Variants in MAN2A1 observed in about 807,000 individuals in gnomAD.
MAN2A1 encodes mannosidase alpha class 2A member 1, also known as alpha-mannosidase 2.
Under a neutral mutation model 142.6 loss-of-function variants are expected in MAN2A1, and 76 were observed. The ratio of observed to expected loss-of-function variants is 0.53; its 90% CI spans 0.44 to 0.65. MAN2A1 has a LOEUF of 0.65. MAN2A1 is among the 30% of genes least tolerant of loss of function. MAN2A1 has a pLI of 0.00. For missense variants in MAN2A1, 1,311 were observed against 1,365.1 expected, an observed-to-expected ratio of 0.96 and a Z score of 0.62; for synonymous variants, 559 against 473.2, an observed-to-expected ratio of 1.18 and a Z score of -2.35.
chr5:109,718,442 T>C (rs749122854), intron 3 of MAN2A1, among the ~76,000 whole-genome samples: 29 of 152,308 alleles, frequency 1.9e-4, no homozygotes, highest in Non-Finnish European at 4.0e-4. Context: ...GTTAGTGCCA[T>C]GATTCACGAT....
chr5:109,706,068 A>G (rs760764161), intron 1 of MAN2A1, among the ~76,000 whole-genome samples: 3 of 152,232 alleles, frequency 2.0e-5, no homozygotes, highest in Non-Finnish European at 4.4e-5. Context: ...ATCTTTGACT[A>G]AACATTATTC....
chr5:109,737,816 A>C (rs1752148677), intron 4 of MAN2A1, among the ~76,000 whole-genome samples: 2 of 152,188 alleles, frequency 1.3e-5, no homozygotes, highest in African/African-American at 2.4e-5. Flanking sequence ...GTTTACCTTG[A>C]AAAAGGCCTA....
intron 3 of MAN2A1, among the ~76,000 whole-genome samples, chr5:109,725,456 C>G (rs184032650): frequency 6.6e-4 from 101 of 152,242 alleles, no homozygotes; most frequent in African/African-American, 2.4e-3. Flanking sequence ...AGGGTCGGTC[C>G]CATTTGTTAG....
At chr5:109,773,720 G>A (rs1753211187) in intron 7 of MAN2A1, among the ~76,000 whole-genome samples, 1 of 152,078 alleles carries the variant, frequency 6.6e-6, no homozygotes, top group African/African-American at 2.4e-5. Context: ...AATGTAAAAA[G>A]GACCATATGA....
At chr5:109,814,518 T>A (rs1754401174) in intron 12 of MAN2A1, among the ~76,000 whole-genome samples, 3 of 152,240 alleles carry the variant, frequency 2.0e-5, no homozygotes, top group Admixed American at 2.0e-4. Context: ...AAAAACATGC[T>A]GTGAATCTCT....
chr5:109,709,979 C>A (rs1751250084), intron 1 of MAN2A1, among the ~76,000 whole-genome samples: 1 of 152,168 alleles, frequency 6.6e-6, no homozygotes, highest in African/African-American at 2.4e-5. Flanking sequence ...CTTTTAAGGT[C>A]ATTCCACTCT....
chr5:109,833,043 G>A (rs1353269374), intron 16 of MAN2A1, among the ~76,000 whole-genome samples: 1 of 150,180 alleles, frequency 6.7e-6, no homozygotes, highest in African/African-American at 2.5e-5. Flanking sequence ...GGGCGGCAGG[G>A]CAGAGGCGCT....
chr5:109,741,724 C>T (rs980458614), intron 4 of MAN2A1, among the ~76,000 whole-genome samples: 1 of 152,150 alleles, frequency 6.6e-6, no homozygotes, highest in Admixed American at 6.5e-5. Context: ...TATCCCCTCC[C>T]CCAGCAGCAT....
rs35796131 is a variant in MAN2A1, at chr5:109,735,878, G to GTTTT, written c.707+6383_707+6386dup. ...TTGACTTTTTATAATTTCCATTGGAGTTTTTTTTTTTTTTTTTTTTTCCCT... is the reference window on the plus strand; with the variant it reads ...TTGACTTTTTATAATTTCCATTGGAGTTTTTTTTTTTTTTTTTTTTTTTTTCCCT... On this transcript the variant is annotated intron_variant, in intron 4 of 21. Coordinates refer to ENST00000261483, the MANE Select transcript of MAN2A1 (RefSeq NM_002372.4). Among the ~76,000 whole-genome samples, 561 of 98,258 alleles carry GTTTT rather than the reference G, an allele frequency of 5.7e-3. 21 individuals are homozygous for GTTTT. Among genetic ancestry groups the GTTTT allele is most frequent in the East Asian group, 0.02 (54 of 2,656 alleles). 64.5% of individuals were successfully genotyped at this position (98,258 alleles called of 152,430 possible).
At position 109,868,941 on chromosome 5, in the gene MAN2A1, A is replaced by G. The variant is rs1029339251; in HGVS notation, c.*1943A>G. 2 of 152,190 alleles carry G rather than the reference A, an allele frequency of 1.3e-5. No individual in the cohort carries two copies. The highest frequency in any genetic ancestry group is 2.9e-5 in the Non-Finnish European group (2 of 68,050). The allele number at this position is 152,190 out of a possible 1,614,324, so 9.4% of individuals were successfully genotyped here. A position where few individuals can be genotyped will look rare whatever the true frequency, so the allele number is the denominator to read the frequency against. On this transcript the variant is annotated 3_prime_UTR_variant, in exon 22 of 22. Transcript: ENST00000261483. Reference sequence around the variant, plus strand: ...TCGAAATTGTGATCAGATGAAATAAAAAAAAAATCTTGATGCAATAACAGT... The same window carrying G: ...TCGAAATTGTGATCAGATGAAATAAGAAAAAAATCTTGATGCAATAACAGT...
chr5:109,780,056 G>A (rs1437930188), intron 8 of MAN2A1, among the ~76,000 whole-genome samples: 1 of 151,242 alleles, frequency 6.6e-6, no homozygotes. Context: ...ATGGTTGTAA[G>A]TTTTTTTTTG....
Position 109,864,824 on chromosome 5 carries a change from A to G in MAN2A1, c.3172-212A>G. ...ATGAGGTTACCTAACAAGGAACCTT[A>G]GAACATAATCTTACCTGGCTCAGTA... On this transcript the variant is annotated intron_variant, in intron 20 of 21. Transcript: ENST00000261483. The G allele has an allele frequency of 7.6e-6, 4 of 528,220 alleles. No homozygotes were observed. The East Asian group carries it at 1.2e-4, about 16-fold the overall frequency. 32.7% of individuals were successfully genotyped at this position (528,220 alleles called of 1,614,324 possible). A position where few individuals can be genotyped will look rare whatever the true frequency, so the allele number is the denominator to read the frequency against.
chr5:109,819,887 G>A lies in MAN2A1; in HGVS notation c.2328G>A (p.Lys776=), dbSNP rs1183977370. Reference sequence around the variant, plus strand: ...GGTTTGATCAAACTGGACTTATGAAGGTATGTTCTGAATAGTTCTAAAATT... The same window carrying A: ...GGTTTGATCAAACTGGACTTATGAAAGTATGTTCTGAATAGTTCTAAAATT... The part of the protein sequence containing the change: ...LLRFDQTGLM[K]QMMTKEDGKH... Residue 776 remains lysine, a splice_region_variant and synonymous_variant, in exon 14 of 22, where the codon AAG becomes AAA. Transcript: ENST00000261483. The A allele has an allele frequency of 6.4e-7, 1 of 1,568,306 alleles. No individual in the cohort carries two copies. The highest frequency in any genetic ancestry group is 1.8e-5 in the Admixed American group (1 of 54,112).
chr5:109,863,928 GT>G (rs1561548180), intron 20 of MAN2A1: 1 of 152,164 alleles, frequency 6.6e-6, no homozygotes, highest in East Asian at 1.9e-4. Flanking sequence ...CAAAATATCA[GT>G]GTGAAACATC....
rs1754593589 is a variant in MAN2A1 at position 109,820,464 on chromosome 5, G to T, written c.2451+122G>T. On this transcript the variant is annotated intron_variant, in intron 15 of 21. Transcript: ENST00000261483. ...ATTTATTAGGGATAGATGAACTTTT[G>T]GTTGCAGTATTATCTATCACCTTAT... The T allele has an allele frequency of 1.6e-5, 16 of 994,986 alleles. No individual in the cohort carries two copies. In the Admixed American group the frequency reaches 3.3e-4, roughly 21 times the overall value. The allele number at this position is 994,986 out of a possible 1,614,324, so 61.6% of individuals were successfully genotyped here.
chr5:109,773,323 A>C (rs563633391), intron 7 of MAN2A1, among the ~76,000 whole-genome samples: 1 of 152,250 alleles, frequency 6.6e-6, no homozygotes, highest in African/African-American at 2.4e-5. Context: ...TCTTTTCTTT[A>C]TATGTGCTTT....
intron 1 of MAN2A1, among the ~76,000 whole-genome samples, chr5:109,708,508 G>GCACACACACACACA (rs1751202632): frequency 2.8e-5 from 1 of 35,328 alleles, no homozygotes; most frequent in Non-Finnish European, 4.8e-5. Context: ...AGAACTGATA[G>GCACACACACACACA]GACACACACA....
intron 16 of MAN2A1, among the ~76,000 whole-genome samples, 173 bp from the exon 17 acceptor site, chr5:109,842,155 A>G (rs751220952): frequency 9.9e-5 from 15 of 152,222 alleles, no homozygotes; most frequent in Non-Finnish European, 1.5e-4. Flanking sequence ...ACCTTCTGAT[A>G]GTTTTTAAAA....
At chr5:109,756,824 A>G (rs1468062961) in intron 5 of MAN2A1, among the ~76,000 whole-genome samples, 2 of 152,200 alleles carry the variant, frequency 1.3e-5, no homozygotes, top group Middle Eastern at 3.2e-3. Flanking sequence ...ACTGTTTTTA[A>G]TCTGTTTGTA....
Sources: allele counts gnomAD v4.1 joint callset (sites outside exome capture counted in the v4.1 genomes callset), GRCh38; gene constraint gnomAD v4.1.1; transcripts MANE v1.5; gene names NCBI Gene and HGNC (gene_info 2026-07-23, HGNC 2026-07-21).